BEND7: variants seen among roughly 807,000 people sequenced by gnomAD.
BEND7 encodes BEN domain-containing protein 7.
A neutral mutation model predicts 50.9 loss-of-function variants in BEND7; 28 were observed. The ratio of observed to expected loss-of-function variants is 0.55; its 90% CI spans 0.41 to 0.75. The LOEUF (loss-of-function observed/expected upper bound fraction) is 0.75. BEND7 is among the 30% of genes least tolerant of loss of function. The probability of loss-of-function intolerance (pLI) is 0.00; values close to 1 mark genes in which losing one functional copy is unlikely to be tolerated. For missense variants in BEND7, 477 were observed against 491.3 expected (o/e 0.97, Z 0.28); for synonymous variants, 170 against 183.9 (o/e 0.92, Z 0.61).
intron 2 of BEND7, among the ~76,000 whole-genome samples, chr10:13,516,020 C>G (rs556971498): frequency 6.6e-6 from 1 of 152,202 alleles, no homozygotes; most frequent in Non-Finnish European, 1.5e-5. Flanking sequence ...CTCAATCAAT[C>G]GTCTCACTCT....
chr10:13,480,116 G>C (rs1309369225), intron 6 of BEND7, among the ~76,000 whole-genome samples: 1 of 152,146 alleles, frequency 6.6e-6, no homozygotes, highest in African/African-American at 2.4e-5. Flanking sequence ...TTGAGACTTG[G>C]TTTATGTTCT....
At chr10:13,453,165 C>T (rs181746506) in intron 6 of BEND7, among the ~76,000 whole-genome samples, 3 of 152,296 alleles carry the variant, frequency 2.0e-5, no homozygotes, top group Admixed American at 2.0e-4. Context: ...TTTAAGTCAA[C>T]CCTTTGCACA....
chr10:13,440,670 G>C (rs1335359523), downstream of BEND7, among the ~76,000 whole-genome samples: 4 of 152,262 alleles, frequency 2.6e-5, no homozygotes, highest in Non-Finnish European at 5.9e-5. Context: ...TGTGTTCAAA[G>C]AGGGGAAGCG....
intron 2 of BEND7, among the ~76,000 whole-genome samples, chr10:13,524,609 A>T (rs990082803): frequency 1.4e-5 from 2 of 140,002 alleles, no homozygotes; most frequent in African/African-American, 5.4e-5. Context: ...ATGCCATTGC[A>T]CTCCAGCCTG....
chr10:13,515,920 T>C (rs1161948735), intron 2 of BEND7, among the ~76,000 whole-genome samples: 1 of 152,116 alleles, frequency 6.6e-6, no homozygotes, highest in Non-Finnish European at 1.5e-5. Flanking sequence ...CTATCAACAA[T>C]GGTGTACGTT....
chr10:13,441,440 T>TGGC lies in BEND7; in HGVS notation c.*302_*303insGCC. Reference sequence around the variant, plus strand: ...ACGTATTTCCAGTGTGTAGATCCGTTCATCGCACACATCTTTGGGTTGAAC... The same window carrying TGGC: ...ACGTATTTCCAGTGTGTAGATCCGTTGGCCATCGCACACATCTTTGGGTTGAAC... On this transcript the variant is annotated 3_prime_UTR_variant, in exon 9 of 9. Transcript: ENST00000466271. 8.7e-7 allele frequency: 1 copy of TGGC among 1,153,304 alleles called. No individual in the cohort carries two copies. Among genetic ancestry groups the TGGC allele is most frequent in the Non-Finnish European group, 1.1e-6 (1 of 945,796 alleles). 71.4% of individuals were successfully genotyped at this position (1,153,304 alleles called of 1,614,324 possible).
chr10:13,463,165 C>A (rs2073885154), intron 6 of BEND7, among the ~76,000 whole-genome samples: 1 of 148,000 alleles, frequency 6.8e-6, no homozygotes, highest in Admixed American at 6.8e-5. Context: ...AAAAATCAGA[C>A]CTTGGTGATG....
intron 6 of BEND7, among the ~76,000 whole-genome samples, chr10:13,465,035 C>T (rs2074091447): frequency 6.6e-6 from 1 of 152,182 alleles, no homozygotes; most frequent in Admixed American, 6.5e-5. Flanking sequence ...ATAACAATGT[C>T]CAGTGTTCAT....
Position 13,528,578 on chromosome 10 carries a change from GGCGGC to G in BEND7, c.-50_-46del. 6 of 202,374 alleles carry G rather than the reference GGCGGC, an allele frequency of 3.0e-5. No homozygotes were observed. The highest frequency in any genetic ancestry group is 3.4e-5 in the Non-Finnish European group (6 of 174,578). 12.5% of individuals were successfully genotyped at this position (202,374 alleles called of 1,614,324 possible). A position where few individuals can be genotyped will look rare whatever the true frequency, so the allele number is the denominator to read the frequency against. ...CGGGGGCTGAGGAGGCGGCGGCAGC[GGCGGC>G]AGCGGCAGCGGCGGCAGCGGCAGCG... On this transcript the variant is annotated 5_prime_UTR_variant, in exon 1 of 9. Coordinates refer to ENST00000466271, the MANE Select transcript of BEND7 (RefSeq NM_001369863.1).
chr10:13,527,750 G>C, intron 1 of BEND7: 1 of 756,082 alleles, frequency 1.3e-6, no homozygotes, highest in Non-Finnish European at 1.6e-6. Context: ...AAATCAGGAA[G>C]ATAAAGACTC....
chr10:13,468,756 A>C (rs775829033), intron 6 of BEND7, among the ~76,000 whole-genome samples: 6 of 152,228 alleles, frequency 3.9e-5, no homozygotes, highest in Non-Finnish European at 8.8e-5. Flanking sequence ...AGGGCCAGGT[A>C]ATTGAGCAGG....
intron 6 of BEND7, chr10:13,480,470 C>G: frequency 3.0e-6 from 1 of 330,546 alleles, no homozygotes; most frequent in East Asian, 1.7e-4. Context: ...AAGCAACAAC[C>G]TGGTAAAGCA....
chr10:13,475,056 T>A (rs577297765), intron 6 of BEND7, among the ~76,000 whole-genome samples: 1 of 152,138 alleles, frequency 6.6e-6, no homozygotes, highest in African/African-American at 2.4e-5. Context: ...CACTAAAATA[T>A]GAGAACCATC....
chr10:13,512,944 T>G (rs1589032495), intron 2 of BEND7, among the ~76,000 whole-genome samples: 1 of 152,166 alleles, frequency 6.6e-6, no homozygotes, highest in East Asian at 1.9e-4. Context: ...AACAGTAACT[T>G]AAATCAGTGT....
chr10:13,513,969 C>T (rs931983803), intron 2 of BEND7, among the ~76,000 whole-genome samples: 3 of 152,198 alleles, frequency 2.0e-5, no homozygotes, highest in East Asian at 3.8e-4. Context: ...ATCCAAGAAG[C>T]GACTGTCTGT....
intron 6 of BEND7, among the ~76,000 whole-genome samples, chr10:13,478,861 T>C (rs910039442): frequency 3.9e-5 from 6 of 152,132 alleles, no homozygotes; most frequent in Non-Finnish European, 8.8e-5. Context: ...ATAGATTTAA[T>C]TCAATAATAA....
At chr10:13,439,211 G>A (rs772370519), downstream of BEND7, 1 of 1,614,126 alleles carries the variant, frequency 6.2e-7, no homozygotes, top group East Asian at 2.2e-5. Flanking sequence ...TAAGAGACTT[G>A]GCTGAGCCTG....
At chr10:13,496,020 C>T (rs930729301) in intron 4 of BEND7, among the ~76,000 whole-genome samples, 5 of 152,188 alleles carry the variant, frequency 3.3e-5, no homozygotes, top group East Asian at 1.9e-4. Context: ...ATAATGAAGA[C>T]GTAGACTTCC....
intron 6 of BEND7, among the ~76,000 whole-genome samples, chr10:13,467,601 C>G (rs745530712): frequency 1.3e-5 from 2 of 152,264 alleles, no homozygotes; most frequent in South Asian, 4.1e-4. Flanking sequence ...ATTACACTAC[C>G]CTTAATTCCT....
Sources: gnomAD v4.1 joint callset for allele counts (sites outside exome capture counted in the v4.1 genomes callset) on GRCh38, gnomAD v4.1.1 for gene constraint, MANE v1.5 for transcripts, NCBI Gene and HGNC (gene_info 2026-07-23, HGNC 2026-07-21) for gene names.